INPP5E: variants seen among roughly 807,000 people sequenced by gnomAD.
INPP5E encodes inositol polyphosphate-5-phosphatase E, also known as phosphatidylinositol polyphosphate 5-phosphatase type IV.
Under a neutral mutation model 50.5 loss-of-function variants are expected in INPP5E, and 34 were observed. The observed-to-expected ratio is 0.67, with a 90% confidence interval of 0.51 to 0.90. The LOEUF (loss-of-function observed/expected upper bound fraction) is 0.90. INPP5E is among the 40% of genes least tolerant of loss of function. The pLI is 0.00. For missense variants in INPP5E, 942 were observed against 905.5 expected, an observed-to-expected ratio of 1.04 and a Z score of -0.52; for synonymous variants, 447 against 406.0, an observed-to-expected ratio of 1.10 and a Z score of -1.21.
In INPP5E at chr9:136,432,092, C is replaced by T. The variant is rs374678120; in HGVS notation, c.1388-107G>A. ...GCTCTCAGGGGAAGTGGGTCTTGGG[C>T]GCCAGCCGGTGGGGCCGGGCCCTCA... On this transcript the variant is annotated intron_variant, in intron 6 of 9. Transcript: ENST00000371712. 4.5e-4 allele frequency: 637 copies of T among 1,418,418 alleles called. 3 individuals are homozygous for T. The highest frequency in any genetic ancestry group is 1.9e-3 in the African/African-American group (131 of 70,612). The allele number at this position is 1,418,418 out of a possible 1,614,324, so 87.9% of individuals were successfully genotyped here. A position where few individuals can be genotyped will look rare whatever the true frequency, so the allele number is the denominator to read the frequency against.
intron 9 of INPP5E, 66 bp downstream of exon 9, chr9:136,430,211 C>T: frequency 1.3e-6 from 2 of 1,544,624 alleles, no homozygotes; most frequent in African/African-American, 1.4e-5. Flanking sequence ...CAGGGACCCT[C>T]TTAGCTCATG....
chr9:136,431,021 T>G lies in INPP5E; in HGVS notation c.1646A>C (p.Gln549Pro). The stretch of plus-strand genomic sequence containing the variant: ...CCTCACCGTGTATGAGGGCGTCCTC[T>G]GCTTGGAGGTGCTGTCGTACGTGTC... ...GKDTYDSTSK[Q>P]RTPSYTDRVL... The change falls in exon 8 of 10, where the codon CAG becomes CCG. Residue 549 changes from glutamine (Q) to proline (P), a missense_variant. Coordinates refer to ENST00000371712, the MANE Select transcript of INPP5E (RefSeq NM_019892.6). 6.2e-7 allele frequency: 1 copy of G among 1,612,476 alleles called. No individual in the cohort carries two copies. The highest frequency in any genetic ancestry group is 8.5e-7 in the Non-Finnish European group (1 of 1,178,946).
intron 2 of INPP5E, 31 bp downstream of exon 2, chr9:136,434,709 T>TA: frequency 6.3e-7 from 1 of 1,576,300 alleles, no homozygotes; most frequent in Non-Finnish European, 8.6e-7. Context: ...ACCCCACCCT[T>TA]CCCCGCCCAG....
Position 136,439,049 on chromosome 9 carries a change from G to A in INPP5E, c.371C>T (p.Pro124Leu), listed in dbSNP as rs1305443439. The change falls in exon 1 of 10, where the codon CCC becomes CTC. Residue 124 changes from proline to leucine, a missense_variant. Transcript: ENST00000371712. The part of the protein sequence containing the change: ...GSVQSEGPGA[P>L]AHSCSPPCLS... ...GCAGGGCGGGGAGCAGCTGTGGGCGGGGGCCCCGGGGCCCTCGCTCTGCAC... is the reference window on the plus strand; with the variant it reads ...GCAGGGCGGGGAGCAGCTGTGGGCGAGGGCCCCGGGGCCCTCGCTCTGCAC... 1 of 1,569,098 alleles carries A rather than the reference G, an allele frequency of 6.4e-7. No homozygotes were observed. The highest frequency in any genetic ancestry group is 1.9e-5 in the Admixed American group (1 of 53,332).
chr9:136,430,292 C>G lies in INPP5E; in HGVS notation c.1787G>C (p.Arg596Thr), dbSNP rs765327224. Residue 596 changes from arginine (R) to threonine (T), a missense_variant, in exon 9 of 10, where the codon AGG becomes ACG. Arg to Thr is a moderately conservative substitution (Grantham distance 71). Transcript: ENST00000371712. ...GAACACTGACTTGTCTCGCCCCGGC[C>G]TCACTTTCACCCGGAAGAGGCCATA... ...PVYGLFRVKV[R>T]PGRDNIPLAA... 15 of 1,551,426 alleles carry G rather than the reference C, an allele frequency of 9.7e-6. No homozygotes were observed. The highest frequency in any genetic ancestry group is 1.3e-5 in the Non-Finnish European group (15 of 1,147,032).
Position 136,429,465 on chromosome 9 carries a change from G to A in INPP5E, c.*210C>T. 1 of 696,318 alleles carries A rather than the reference G, an allele frequency of 1.4e-6. No homozygotes were observed. The highest frequency in any genetic ancestry group is 2.0e-5 in the Admixed American group (1 of 49,122). The allele number at this position is 696,318 out of a possible 1,614,324, so 43.1% of individuals were successfully genotyped here. A position where few individuals can be genotyped will look rare whatever the true frequency, so the allele number is the denominator to read the frequency against. On this transcript the variant is annotated 3_prime_UTR_variant, in exon 10 of 10. Coordinates refer to ENST00000371712, the MANE Select transcript of INPP5E (RefSeq NM_019892.6). ...TGTATGGACCTGCCATGGAGACGGG[G>A]GTCCAAGCCCTGCCCACCCACACCG...
Position 136,431,993 on chromosome 9 carries a change from A to C in INPP5E, c.1388-8T>G. Reference sequence around the variant, plus strand: ...AGCGGGTGGTGACGTCCGCTGCGGCACAGTGGGCCATGTGTGGGCACAGGC... The same window carrying C: ...AGCGGGTGGTGACGTCCGCTGCGGCCCAGTGGGCCATGTGTGGGCACAGGC... On this transcript the variant is annotated splice_region_variant and splice_polypyrimidine_tract_variant and intron_variant, in intron 6 of 9. Transcript: ENST00000371712. 6.2e-7 allele frequency: 1 copy of C among 1,612,544 alleles called. No individual in the cohort carries two copies. The highest frequency in any genetic ancestry group is 8.5e-7 in the Non-Finnish European group (1 of 1,179,872).
intron 1 of INPP5E, 98 bp downstream of exon 1, chr9:136,438,510 C>T (rs1835886880): frequency 1.8e-6 from 2 of 1,127,122 alleles, no homozygotes; most frequent in East Asian, 5.2e-5. Context: ...GGTTAGGCAT[C>T]TTAAACGCTG....
chr9:136,434,454 G>A lies in INPP5E; in HGVS notation c.936+286C>T, dbSNP rs1835785902. Among the ~76,000 whole-genome samples, 4 of 144,998 alleles carry A rather than the reference G, an allele frequency of 2.8e-5. No individual in the cohort carries two copies. The South Asian group carries it at 6.7e-4, about 24-fold the overall frequency. On this transcript the variant is annotated intron_variant, in intron 2 of 9. Coordinates refer to ENST00000371712, the MANE Select transcript of INPP5E (RefSeq NM_019892.6). ...CACCCCTACGCGTGCCCCGCTGGCC[G>A]CCCTCCCGCTCACCTTGAGCAGGTG...
At chr9:136,432,685 G>C in intron 5 of INPP5E, 99 bp from the exon 6 acceptor site, 1 of 959,090 alleles carries the variant, frequency 1.0e-6, no homozygotes, top group Non-Finnish European at 1.6e-6. Flanking sequence ...GCGCACCCCC[G>C]GCAGACGCAA....
At chr9:136,430,050 G>T (rs1020669897) in intron 9 of INPP5E, among the ~76,000 whole-genome samples, 1 of 145,040 alleles carries the variant, frequency 6.9e-6, no homozygotes, top group Non-Finnish European at 1.6e-5. Flanking sequence ...CCCTCCAGCT[G>T]GCCACACCCA....
At position 136,431,103 on chromosome 9, in the gene INPP5E, C is replaced by T; in HGVS notation, c.1564G>A (p.Gly522Ser). Residue 522 changes from glycine (G) to serine (S), a missense_variant, in exon 8 of 10, where the codon GGC becomes AGC. Gly to Ser is a moderately conservative substitution (Grantham distance 56). Transcript: ENST00000371712. ...REMRKGSIFK[G>S]FQEPDIHFLP... ...AAGTGGATGTCCGGCTCCTGGAAGC[C>T]CTTGAAGATGGACCCTGCCACAGGA... 6.2e-7 allele frequency: 1 copy of T among 1,612,446 alleles called. No homozygotes were observed. The highest frequency in any genetic ancestry group is 8.5e-7 in the Non-Finnish European group (1 of 1,179,168).
At chr9:136,436,735 C>CA (rs1394206704) in intron 1 of INPP5E, 2 of 152,264 alleles carry the variant, frequency 1.3e-5, no homozygotes, top group African/African-American at 4.8e-5. Context: ...AGCGAGGTTC[C>CA]AATGTATGTC....
chr9:136,429,746 T>A lies in INPP5E; in HGVS notation c.1864A>T (p.Ile622Phe). Residue 622 changes from isoleucine to phenylalanine, a missense_variant, in exon 10 of 10, where the codon ATT (isoleucine) becomes TTT (phenylalanine). Physicochemically the swap from Ile to Phe is conservative, Grantham distance 21 (BLOSUM62 0). Coordinates refer to ENST00000371712, the MANE Select transcript of INPP5E (RefSeq NM_019892.6). Reference protein sequence around the residue: ...ELYLLGIKRRISKEIQRQQAL... With the variant: ...ELYLLGIKRRFSKEIQRQQAL... ...TGCTGCCTCTGAATCTCCTTCGAAA[T>A]CCGTCTTTTAATTCCTAGTAAGTAC... 6.2e-7 allele frequency: 1 copy of A among 1,613,914 alleles called. No homozygotes were observed. Among genetic ancestry groups the A allele is most frequent in the Non-Finnish European group, 8.5e-7 (1 of 1,179,968 alleles).
intron 3 of INPP5E, 138 bp from the exon 4 acceptor site, chr9:136,433,417 A>C: frequency 7.7e-7 from 1 of 1,299,660 alleles, no homozygotes; most frequent in South Asian, 1.5e-5. Context: ...CGGAGAAGCA[A>C]TTGCCAGAAG....
At position 136,431,132 on chromosome 9, in the gene INPP5E, G is replaced by A. The variant is rs568225897; in HGVS notation, c.1550-15C>T. On this transcript the variant is annotated splice_polypyrimidine_tract_variant and intron_variant, in intron 7 of 9. Transcript: ENST00000371712. ...GAAGATGGACCCTGCCACAGGATGGGCACTCGGACTGGCTCAGACCAGCTT... is the reference window on the plus strand; with the variant it reads ...GAAGATGGACCCTGCCACAGGATGGACACTCGGACTGGCTCAGACCAGCTT... 3 of 1,566,254 alleles carry A rather than the reference G, an allele frequency of 1.9e-6. No homozygotes were observed. In the East Asian group the frequency reaches 6.7e-5, roughly 35 times the overall value.
At chr9:136,430,889 G>A in intron 8 of INPP5E, 113 bp downstream of exon 8, 1 of 784,524 alleles carries the variant, frequency 1.3e-6, no homozygotes. Context: ...GCAGAGCTGA[G>A]TTTCAAGTCC....
chr9:136,438,834 C>A lies in INPP5E; in HGVS notation c.586G>T (p.Ala196Ser), dbSNP rs376043087. 28 of 1,610,108 alleles carry A rather than the reference C, an allele frequency of 1.7e-5. No homozygotes were observed. The African/African-American group carries it at 3.3e-4, about 19-fold the overall frequency. The part of the protein sequence containing the change: ...PSLLPPRPPP[A>S]LSLDIASDSL... ...TCGGAGGCGATGTCCAGGCTCAGGGCAGGCGGTGGGCGCGGGGGCAGCAGG... is the reference window on the plus strand; with the variant it reads ...TCGGAGGCGATGTCCAGGCTCAGGGAAGGCGGTGGGCGCGGGGGCAGCAGG... The change falls in exon 1 of 10, where the codon GCC (alanine) becomes TCC (serine). Residue 196 changes from alanine to serine, a missense_variant. Physicochemically the swap from Ala to Ser is moderately conservative, Grantham distance 99 (BLOSUM62 1). Transcript: ENST00000371712.
At chr9:136,438,466 G>A (rs924084975) in intron 1 of INPP5E, 142 bp downstream of exon 1, 6 of 754,612 alleles carry the variant, frequency 8.0e-6, no homozygotes, top group African/African-American at 3.5e-5. Context: ...GCTGGGAGAT[G>A]GGGTGGCTGC....
Sources: allele counts gnomAD v4.1 joint callset (sites outside exome capture counted in the v4.1 genomes callset), GRCh38; gene constraint gnomAD v4.1.1; transcripts MANE v1.5; gene names NCBI Gene and HGNC (gene_info 2026-07-23, HGNC 2026-07-21).